The following TNKS variants were observed in gnomAD, a reference collection of about 807,000 sequenced individuals.
The protein encoded by TNKS is tankyrase.
Under a neutral mutation model 135.8 loss-of-function variants are expected in TNKS, and 72 were observed. The observed-to-expected ratio is 0.53, with a 90% CI of 0.44 to 0.64. The LOEUF (loss-of-function observed/expected upper bound fraction) is 0.64. TNKS is among the 30% of genes least tolerant of loss of function. TNKS has a pLI of 0.00. For synonymous variants in TNKS, 849 were observed against 649.3 expected (o/e 1.31, Z -4.68); for missense variants, 1,769 against 1,674.0 (o/e 1.06, Z -0.99).
rs748740142 is a variant in TNKS at position 9,556,203 on chromosome 8, C to A, written c.264C>A (p.Ser88Arg). The change falls in exon 1 of 27, where the codon AGC becomes AGA. Residue 88 changes from serine to arginine, a missense_variant. Ser to Arg is a moderately radical substitution (Grantham distance 110, BLOSUM62 -1). This residue lies in a region of TNKS where 450 missense variants were observed against 304.9 expected (regional missense o/e 1.48). Transcript: ENST00000310430. ...CCCCGGACCCGGTTGACGGTACCAG[C>A]TGTTGCAGTACCACCAGCACAATCT... ...PRSPDPVDGT[S>R]CCSTTSTICT... The A allele has an allele frequency of 6.2e-6, 10 of 1,614,018 alleles. No individual in the cohort carries two copies. The South Asian group carries it at 1.1e-4, about 18-fold the overall frequency.
chr8:9,742,848 A>G (rs1002208052), intron 17 of TNKS, among the ~76,000 whole-genome samples: 1 of 151,310 alleles, frequency 6.6e-6, no homozygotes, highest in African/African-American at 2.4e-5. Context: ...AAATACATAC[A>G]TTTATATATT....
At chr8:9,744,585 T>C (rs1487204904) in intron 17 of TNKS, among the ~76,000 whole-genome samples, 2 of 152,236 alleles carry the variant, frequency 1.3e-5, no homozygotes, top group Non-Finnish European at 2.9e-5. Context: ...GGTTAAATTG[T>C]CTGTTTCTCC....
chr8:9,735,519 G>A (rs1043943056), intron 17 of TNKS, 33 bp downstream of exon 17: 18 of 1,571,752 alleles, frequency 1.1e-5, no homozygotes, highest in Non-Finnish European at 1.5e-5. Context: ...CTAGAAAACT[G>A]ACCGCACGCG....
At chr8:9,715,364 G>C (rs552627116) in intron 11 of TNKS, among the ~76,000 whole-genome samples, 5 of 94,286 alleles carry the variant, frequency 5.3e-5, no homozygotes, top group African/African-American at 7.4e-5. Context: ...AGCAGCAGGG[G>C]GGGCGGGTAT....
At chr8:9,687,794 C>G (rs1250753949) in intron 5 of TNKS, among the ~76,000 whole-genome samples, 1 of 152,208 alleles carries the variant, frequency 6.6e-6, no homozygotes, top group African/African-American at 2.4e-5. Context: ...GGAGTTGGTA[C>G]TAAATCCTTT....
intron 22 of TNKS, among the ~76,000 whole-genome samples, chr8:9,764,374 C>A (rs539668041): frequency 1.3e-5 from 2 of 151,994 alleles, no homozygotes; most frequent in Non-Finnish European, 2.9e-5. Context: ...ATTTGTCCAA[C>A]GGGCATTTAA....
intron 13 of TNKS, among the ~76,000 whole-genome samples, chr8:9,727,193 T>C (rs1454988727): frequency 6.6e-6 from 1 of 152,214 alleles, no homozygotes; most frequent in East Asian, 1.9e-4. Context: ...CCCTCAACAG[T>C]GGAATTATTC....
chr8:9,735,581 A>T (rs1172003341), intron 17 of TNKS, 95 bp downstream of exon 17: 1 of 907,538 alleles, frequency 1.1e-6, no homozygotes, highest in African/African-American at 1.6e-5. Context: ...AAGGTAGATC[A>T]CGAGGTCAGG....
At chr8:9,560,273 A>G (rs956645688) in intron 1 of TNKS, among the ~76,000 whole-genome samples, 3 of 151,994 alleles carry the variant, frequency 2.0e-5, no homozygotes, top group Admixed American at 1.3e-4. Flanking sequence ...ATTTTATAGT[A>G]TTTACATGAA....
At chr8:9,571,173 C>T (rs954239269) in intron 1 of TNKS, among the ~76,000 whole-genome samples, 3 of 152,138 alleles carry the variant, frequency 2.0e-5, no homozygotes, top group Non-Finnish European at 4.4e-5. Context: ...TTTAAGGAAG[C>T]TACACCAAAA....
At chr8:9,680,698 A>G (rs1585320363) in intron 4 of TNKS, 27 bp from the exon 5 acceptor site, 1 of 1,504,134 alleles carries the variant, frequency 6.6e-7, no homozygotes, top group East Asian at 2.3e-5. Context: ...GTAATTTTAG[A>G]GGAATTGACT....
chr8:9,669,799 A>G (rs887767691), intron 3 of TNKS, among the ~76,000 whole-genome samples: 2 of 146,468 alleles, frequency 1.4e-5, no homozygotes, highest in Non-Finnish European at 3.0e-5. Context: ...TACTTCTTAT[A>G]TAGCCAGTTT....
chr8:9,583,552 G>T (rs61065833), intron 2 of TNKS, among the ~76,000 whole-genome samples: 1 of 151,468 alleles, frequency 6.6e-6, no homozygotes, highest in South Asian at 2.1e-4. Context: ...GCGGTGGCGC[G>T]ATCTCTGCTC....
At chr8:9,765,957 T>C (rs1409642576) in intron 24 of TNKS, among the ~76,000 whole-genome samples, 160 bp downstream of exon 24, 2 of 152,210 alleles carry the variant, frequency 1.3e-5, no homozygotes, top group Non-Finnish European at 2.9e-5. Context: ...AGCTTTCTAA[T>C]GTATCACACA....
At chr8:9,659,739 G>C (rs1477164065) in intron 3 of TNKS, among the ~76,000 whole-genome samples, 2 of 152,176 alleles carry the variant, frequency 1.3e-5, no homozygotes. Context: ...TAAGATCAGA[G>C]CAGAACTGAA....
At chr8:9,565,773 C>G (rs1308672500) in intron 1 of TNKS, among the ~76,000 whole-genome samples, 1 of 151,998 alleles carries the variant, frequency 6.6e-6, no homozygotes, top group Admixed American at 6.6e-5. Context: ...AGGAGAATGG[C>G]GTGAACCCCG....
intron 16 of TNKS, 64 bp from the exon 17 acceptor site, chr8:9,735,313 C>A: frequency 7.0e-7 from 1 of 1,432,728 alleles, no homozygotes; most frequent in Non-Finnish European, 9.8e-7. Context: ...GTCCTTATTA[C>A]ATATGTATGT....
rs536401219 is a variant in TNKS, at chr8:9,616,103, G to A, written c.994+426G>A. Among the ~76,000 whole-genome samples the A allele has an allele frequency of 1.0e-3, 156 of 152,206 alleles. 2 individuals are homozygous for A. Among genetic ancestry groups the A allele is most frequent in the African/African-American group, 3.3e-3 (137 of 41,518 alleles). ...GATCGATAGTCAAATAAAATATGCC[G>A]CTGCCTCTCCCTTGCCACCCCGTTT... On this transcript the variant is annotated intron_variant, in intron 3 of 26. Transcript: ENST00000310430.
At chr8:9,713,427 G>A (rs1554476009) in intron 11 of TNKS, among the ~76,000 whole-genome samples, 1 of 152,142 alleles carries the variant, frequency 6.6e-6, no homozygotes, top group Non-Finnish European at 1.5e-5. Context: ...AAGGTTCAAT[G>A]GAAAATAACA....
Sources: gnomAD v4.1 joint callset for allele counts (sites outside exome capture counted in the v4.1 genomes callset) on GRCh38, gnomAD v4.1.1 for gene constraint, gnomAD v4.1.1 regional missense constraint, MANE v1.5 for transcripts, NCBI Gene and HGNC (gene_info 2026-07-23, HGNC 2026-07-21) for gene names.